The following ABI2 variants were observed in gnomAD, a reference collection of about 807,000 sequenced individuals.
ABI2 encodes abelson interactor 2.
A neutral mutation model predicts 59.2 loss-of-function variants in ABI2; 25 were observed. The observed-to-expected ratio is 0.42, with a 90% CI of 0.31 to 0.59. The LOEUF (loss-of-function observed/expected upper bound fraction) is 0.59. ABI2 is among the 20% of genes least tolerant of loss of function. The pLI is 0.14. For missense variants in ABI2, 545 were observed against 681.8 expected (o/e 0.80, Z 2.23); for synonymous variants, 213 against 235.5 (o/e 0.90, Z 0.87).
In ABI2 at chr2:203,394,758, T is replaced by G. The variant is rs551449375; in HGVS notation, c.637T>G (p.Tyr213Asp). 4 of 1,614,022 alleles carry G rather than the reference T, an allele frequency of 2.5e-6. No individual in the cohort carries two copies. The highest frequency in any genetic ancestry group is 3.4e-6 in the Non-Finnish European group (4 of 1,180,038). The change falls in exon 6 of 12, where the codon TAC becomes GAC. Residue 213 changes from tyrosine (Y) to aspartate (D), a missense_variant. This residue lies in a region of ABI2 where 410 missense variants were observed against 435.6 expected (regional missense o/e 0.94). Transcript: ENST00000261018. The part of the protein sequence containing the change: ...PVRPPVVPND[Y>D]VPSPTRNMAP... The stretch of plus-strand genomic sequence containing the variant: ...GCGTCCTCCAGTGGTACCAAATGAT[T>G]ACGTACCTAGCCCAACCCGTAATAT...
chr2:203,393,496 G>A lies in ABI2; in HGVS notation c.579-1204G>A, dbSNP rs2096853704. Among the ~76,000 whole-genome samples, 3 of 152,194 alleles carry A rather than the reference G, an allele frequency of 2.0e-5. No homozygotes were observed. The South Asian group carries it at 6.2e-4, about 31-fold the overall frequency. On this transcript the variant is annotated intron_variant, in intron 5 of 11. Transcript: ENST00000261018. ...TTCCTTTTAGTATTTTAAATCCAAAGTCCTGACATTACTTTTTCCTCTTTT... is the reference window on the plus strand; with the variant it reads ...TTCCTTTTAGTATTTTAAATCCAAAATCCTGACATTACTTTTTCCTCTTTT...
At chr2:203,331,220 G>A (rs1188580234) in intron 1 of ABI2, among the ~76,000 whole-genome samples, 3 of 152,008 alleles carry the variant, frequency 2.0e-5, no homozygotes, top group Non-Finnish European at 4.4e-5. Context: ...TAAATAGAAC[G>A]TGGTGACAGT....
At chr2:203,357,965 C>T (rs1478690383) in intron 1 of ABI2, among the ~76,000 whole-genome samples, 2 of 150,706 alleles carry the variant, frequency 1.3e-5, no homozygotes, top group African/African-American at 4.9e-5. Flanking sequence ...GATGAGGTTT[C>T]ACCATATTGA....
At chr2:203,395,448 T>TATATATATACACACACAC (rs750379504) in intron 6 of ABI2, among the ~76,000 whole-genome samples, 28 of 115,298 alleles carry the variant, frequency 2.4e-4, no homozygotes, top group Non-Finnish European at 3.9e-4. Context: ...TATATATATA[T>TATATATATACACACACAC]ACACACACAC....
chr2:203,403,764 T>TA (rs1553600465), intron 9 of ABI2, among the ~76,000 whole-genome samples: 1 of 146,926 alleles, frequency 6.8e-6, no homozygotes, highest in Non-Finnish European at 1.5e-5. Flanking sequence ...TTTTTTTTTT[T>TA]AAATTGAGAT....
chr2:203,399,001 A>G (rs947132591), intron 8 of ABI2, among the ~76,000 whole-genome samples: 52 of 152,324 alleles, frequency 3.4e-4, no homozygotes, highest in African/African-American at 1.2e-3. Context: ...TAAAGTTGCT[A>G]TAAACATGTA....
At chr2:203,411,675 G>A (rs1666149699) in intron 10 of ABI2, among the ~76,000 whole-genome samples, 2 of 152,084 alleles carry the variant, frequency 1.3e-5, no homozygotes, top group Non-Finnish European at 2.9e-5. Flanking sequence ...TCAGATAAGT[G>A]GTAGTCTAGT....
At chr2:203,412,901 T>C (rs992978599) in intron 10 of ABI2, among the ~76,000 whole-genome samples, 3 of 152,178 alleles carry the variant, frequency 2.0e-5, no homozygotes, top group African/African-American at 7.2e-5. Context: ...TGAAGGACTT[T>C]CCAATGCTGG....
chr2:203,386,430 G>GTTTTTTTTTTT (rs71007512), intron 4 of ABI2: 13 of 63,892 alleles, frequency 2.0e-4, no homozygotes, highest in African/African-American at 1.0e-3. Flanking sequence ...ACTCCTGGCT[G>GTTTTTTTTTTT]TTTTTTTTTT....
At chr2:203,422,034 A>C (rs935422335) in intron 11 of ABI2, among the ~76,000 whole-genome samples, 1 of 151,884 alleles carries the variant, frequency 6.6e-6, no homozygotes, top group African/African-American at 2.4e-5. Flanking sequence ...GTAATCCCTT[A>C]AAGTGCTGTA....
chr2:203,366,824 C>G, intron 1 of ABI2, 53 bp from the exon 2 acceptor site: 1 of 1,471,214 alleles, frequency 6.8e-7, no homozygotes, highest in Non-Finnish European at 9.1e-7. Flanking sequence ...GGTTAGTTTG[C>G]TAGAAATGGG....
chr2:203,353,312 A>G (rs1437045341), intron 1 of ABI2, among the ~76,000 whole-genome samples: 1 of 152,308 alleles, frequency 6.6e-6, no homozygotes, highest in East Asian at 1.9e-4. Context: ...CATTTCCACT[A>G]GCTACCATTC....
chr2:203,396,839 CT>C lies in ABI2; in HGVS notation c.906del (p.Ala303LeufsTer51). ...CTTCCTGCTACTTCTGCATCTGCCC[CT>C]GCTCCTCTTGTTCCTGCTACTGTCC... is the stretch of plus-strand genomic sequence containing the variant. ...PPLPATSASA[P>X]APLVPATVPS... On this transcript the variant is annotated frameshift_variant, in exon 8 of 12. Transcript: ENST00000261018. LOFTEE classifies it high-confidence loss of function. 6.5e-7 allele frequency: 1 copy of C among 1,535,362 alleles called. No homozygotes were observed. The highest frequency in any genetic ancestry group is 8.7e-7 in the Non-Finnish European group (1 of 1,146,614).
chr2:203,373,923 C>A (rs2153105155), intron 2 of ABI2, among the ~76,000 whole-genome samples: 1 of 152,254 alleles, frequency 6.6e-6, no homozygotes, highest in African/African-American at 2.4e-5. Flanking sequence ...CTTTGGGAGG[C>A]TGAGGCAGGC....
intron 1 of ABI2, among the ~76,000 whole-genome samples, chr2:203,332,161 C>T (rs534070122): frequency 6.6e-6 from 1 of 152,102 alleles, no homozygotes; most frequent in South Asian, 2.1e-4. Context: ...ATTCTAACCT[C>T]TAGAAAATGG....
chr2:203,413,883 C>A (rs2097777645), intron 10 of ABI2, among the ~76,000 whole-genome samples: 2 of 131,470 alleles, frequency 1.5e-5, no homozygotes, highest in Admixed American at 1.6e-4. Flanking sequence ...TAATTTGGAA[C>A]CAGTTATAGT....
chr2:203,380,101 G>C, intron 2 of ABI2, 107 bp from the exon 3 acceptor site: 1 of 692,712 alleles, frequency 1.4e-6, no homozygotes, highest in Non-Finnish European at 2.2e-6. Context: ...AGCAAGCATA[G>C]TTTAGAATAT....
chr2:203,341,779 G>A (rs1334064711), intron 1 of ABI2, among the ~76,000 whole-genome samples: 1 of 152,184 alleles, frequency 6.6e-6, no homozygotes, highest in African/African-American at 2.4e-5. Flanking sequence ...GAAAATGAAA[G>A]TTGGCAAATA....
intron 1 of ABI2, among the ~76,000 whole-genome samples, chr2:203,336,442 T>G (rs1331432731): frequency 6.6e-6 from 1 of 152,222 alleles, no homozygotes; most frequent in African/African-American, 2.4e-5. Flanking sequence ...AATATAAGAT[T>G]ATGGAAGTTT....
Sources: allele counts gnomAD v4.1 joint callset (sites outside exome capture counted in the v4.1 genomes callset), GRCh38; gene constraint gnomAD v4.1.1; regional missense constraint gnomAD v4.1.1; transcripts MANE v1.5; gene names NCBI Gene and HGNC (gene_info 2026-07-23, HGNC 2026-07-21).